Variants in CTNNA3 observed in about 807,000 individuals in gnomAD.
CTNNA3 encodes the protein catenin alpha 3, also known as catenin alpha-3.
In CTNNA3, 76 loss-of-function variants were observed where a neutral mutation model predicts 95.7. The ratio of observed to expected loss-of-function variants is 0.79; its 90% CI spans 0.66 to 0.96. The LOEUF is 0.96. CTNNA3 is among the 40% of genes least tolerant of loss of function. The pLI is 0.00. For synonymous variants in CTNNA3, 431 were observed against 374.4 expected (o/e 1.15, Z -1.74); for missense variants, 1,191 against 1,089.8 (o/e 1.09, Z -1.31).
At chr10:66,084,619 T>G (rs7923623) in intron 14 of CTNNA3, among the ~76,000 whole-genome samples, 42,853 of 151,934 alleles carry the variant, frequency 0.28, 6,619 homozygotes, top group South Asian at 0.42. Flanking sequence ...TCATCTTGAT[T>G]AGTTGAAAAT....
intron 1 of CTNNA3, among the ~76,000 whole-genome samples, chr10:67,726,580 A>C (rs1310538266): frequency 9.9e-5 from 7 of 70,474 alleles, no homozygotes; most frequent in Admixed American, 5.1e-4. Flanking sequence ...TACATATTAT[A>C]TAATATGTAA....
intron 12 of CTNNA3, among the ~76,000 whole-genome samples, chr10:66,317,326 T>C (rs1404339487): frequency 6.6e-6 from 1 of 152,054 alleles, no homozygotes; most frequent in Non-Finnish European, 1.5e-5. Flanking sequence ...TTCTACATAA[T>C]TCCTCATTTA....
At position 65,982,695 on chromosome 10, in the gene CTNNA3, A is replaced by ATG. The variant is rs368338349; in HGVS notation, c.2265+5995_2265+5996dup. ...TATGTGTGTGTGTATGTATATATAT[A>ATG]TGTGTGTGTGTGTGTGTATATATAT... On this transcript the variant is annotated intron_variant, in intron 16 of 17. Coordinates refer to ENST00000433211, the MANE Select transcript of CTNNA3 (RefSeq NM_013266.4). Among the ~76,000 whole-genome samples, 126 of 148,038 alleles carry ATG rather than the reference A, an allele frequency of 8.5e-4. 1 individual carries two copies. The highest frequency in any genetic ancestry group is 3.6e-3 in the Middle Eastern group (1 of 280).
At chr10:67,061,931 T>A (rs760341703) in intron 7 of CTNNA3, among the ~76,000 whole-genome samples, 2 of 141,464 alleles carry the variant, frequency 1.4e-5, no homozygotes, top group Non-Finnish European at 3.1e-5. Flanking sequence ...AGAAAATTTA[T>A]AAGAAAGCTT....
intron 15 of CTNNA3, among the ~76,000 whole-genome samples, chr10:66,024,084 C>CTTTTTTTTTTTTTTTTTT (rs1183185763): frequency 1.6e-5 from 1 of 62,682 alleles, no homozygotes; most frequent in African/African-American, 5.2e-5. Context: ...ATACCATACA[C>CTTTTTTTTTTTTTTTTTT]ATTTTTTTTT....
intron 11 of CTNNA3, among the ~76,000 whole-genome samples, chr10:66,447,546 A>G (rs2093431849): frequency 6.6e-6 from 1 of 151,922 alleles, no homozygotes; most frequent in Non-Finnish European, 1.5e-5. Flanking sequence ...CTGATCTTTG[A>G]CAAACCTGAA....
chr10:67,622,925 C>T (rs1843894775), intron 2 of CTNNA3, among the ~76,000 whole-genome samples: 1 of 152,116 alleles, frequency 6.6e-6, no homozygotes, highest in African/African-American at 2.4e-5. Context: ...AGCCTTAAGC[C>T]TATTAGTATT....
intron 3 of CTNNA3, among the ~76,000 whole-genome samples, chr10:67,599,221 G>A (rs1330512215): frequency 6.6e-6 from 1 of 152,188 alleles, no homozygotes; most frequent in East Asian, 1.9e-4. Flanking sequence ...ACCTGCTGAA[G>A]TAAAACTCAA....
At chr10:66,824,588 T>C (rs1842426891) in intron 7 of CTNNA3, among the ~76,000 whole-genome samples, 1 of 152,196 alleles carries the variant, frequency 6.6e-6, no homozygotes, top group South Asian at 2.1e-4. Flanking sequence ...AAGATCTATA[T>C]AATCCAAGCA....
rs1217988773 is a variant in CTNNA3 at position 67,232,404 on chromosome 10, C to A, written c.580-12534G>T. ...TTTCAACCCAGAATTTCATATCCAG[C>A]CAAACTAAGCTTCATAAGTGAAGGA... is the stretch of plus-strand genomic sequence containing the variant. On this transcript the variant is annotated intron_variant, in intron 5 of 17. Transcript: ENST00000433211. Among the ~76,000 whole-genome samples, 9 of 151,684 alleles carry A rather than the reference C, an allele frequency of 5.9e-5. 1 individual carries two copies. The highest frequency in any genetic ancestry group is 4.6e-4 in the Admixed American group (7 of 15,212).
rs181643467 is a variant in CTNNA3, at chr10:67,053,377, G to C, written c.1047+126940C>G. The stretch of plus-strand genomic sequence containing the variant: ...ATAGAAGAAGTTGGAATTTTTTTAA[G>C]AGTATCTCTAGTAATTCTTATTTTC... On this transcript the variant is annotated intron_variant, in intron 7 of 17. Coordinates refer to ENST00000433211, the MANE Select transcript of CTNNA3 (RefSeq NM_013266.4). 2.4e-4 allele frequency among the ~76,000 whole-genome samples: 37 copies of C among 152,254 alleles called. No homozygotes were observed. In the East Asian group the frequency reaches 6.6e-3, roughly 27 times the overall value.
intron 5 of CTNNA3, among the ~76,000 whole-genome samples, chr10:67,482,953 G>A (rs111766645): frequency 0.025 from 3,782 of 152,094 alleles, 174 homozygotes; most frequent in African/African-American, 0.085. Flanking sequence ...AAAAGTGGGC[G>A]AAGGATATGA....
intron 1 of CTNNA3, among the ~76,000 whole-genome samples, chr10:67,694,874 A>G (rs1022127722): frequency 6.6e-6 from 1 of 152,204 alleles, no homozygotes; most frequent in Non-Finnish European, 1.5e-5. Flanking sequence ...AGTTTTACCA[A>G]TCTTTACTCA....
intron 7 of CTNNA3, among the ~76,000 whole-genome samples, chr10:66,897,988 T>C (rs1845569052): frequency 1.3e-5 from 2 of 152,100 alleles, no homozygotes; most frequent in African/African-American, 2.4e-5. Flanking sequence ...GGCTAATTTG[T>C]CCTACCAGAA....
intron 5 of CTNNA3, among the ~76,000 whole-genome samples, chr10:67,467,637 G>T (rs1847646976): frequency 6.6e-6 from 1 of 151,928 alleles, no homozygotes; most frequent in Non-Finnish European, 1.5e-5. Flanking sequence ...TAGGCTCTAT[G>T]GTTGACTCTC....
intron 17 of CTNNA3, among the ~76,000 whole-genome samples, chr10:65,952,025 G>A (rs1354723157): frequency 2.5e-5 from 2 of 80,310 alleles, no homozygotes; most frequent in Admixed American, 1.7e-4. Flanking sequence ...GCGAGGCTCC[G>A]CCTCAAAAAA....
At chr10:66,734,278 C>T (rs993460927) in intron 9 of CTNNA3, among the ~76,000 whole-genome samples, 1 of 151,870 alleles carries the variant, frequency 6.6e-6, no homozygotes, top group African/African-American at 2.4e-5. Flanking sequence ...CTAAACAACA[C>T]CTTTTAAGTT....
rs552209533 is a variant in CTNNA3 at position 66,050,883 on chromosome 10, T to C, written c.2159+18425A>G. On this transcript the variant is annotated intron_variant, in intron 15 of 17. Coordinates refer to ENST00000433211, the MANE Select transcript of CTNNA3 (RefSeq NM_013266.4). ...CTTTTTTTTTTTAAGAGATGGGGTCTTGTTCTTTCGCCCAGATGGGAGTAC... is the reference window on the plus strand; with the variant it reads ...CTTTTTTTTTTTAAGAGATGGGGTCCTGTTCTTTCGCCCAGATGGGAGTAC... Among the ~76,000 whole-genome samples the C allele has an allele frequency of 8.2e-4, 125 of 152,214 alleles. 2 individuals are homozygous for C. The highest frequency in any genetic ancestry group is 2.9e-3 in the African/African-American group (120 of 41,528).
At chr10:67,714,198 C>A (rs1841129269) in intron 1 of CTNNA3, among the ~76,000 whole-genome samples, 1 of 152,116 alleles carries the variant, frequency 6.6e-6, no homozygotes, top group South Asian at 2.1e-4. Context: ...ATGGTAGATC[C>A]ACCAACAGCT....
Sources: gnomAD v4.1 joint callset for allele counts (sites outside exome capture counted in the v4.1 genomes callset) on GRCh38, gnomAD v4.1.1 for gene constraint, MANE v1.5 for transcripts, NCBI Gene and HGNC (gene_info 2026-07-23, HGNC 2026-07-21) for gene names.